The following RCL1 variants were observed in gnomAD, a reference collection of about 807,000 sequenced individuals.
RCL1 encodes the protein RNA terminal phosphate cyclase like 1.
RCL1 carries 24 observed loss-of-function variants against 42.4 expected under a neutral mutation model. The observed-to-expected ratio is 0.57, with a 90% CI of 0.41 to 0.80. The LOEUF is 0.80. Ranked by LOEUF, RCL1 falls within the 30% of genes least tolerant of loss-of-function variation. The pLI, the probability that RCL1 is intolerant of heterozygous loss-of-function variation, is 0.00. For missense variants in RCL1, 578 were observed against 467.9 expected (o/e 1.24, Z -2.17); for synonymous variants, 228 against 177.3 (o/e 1.29, Z -2.27).
intron 7 of RCL1, among the ~76,000 whole-genome samples, chr9:4,848,124 C>G (rs1817584085): frequency 6.6e-6 from 1 of 152,190 alleles, no homozygotes; most frequent in African/African-American, 2.4e-5. Context: ...TAATTTTAGG[C>G]TGTCTTATGA....
intron 8 of RCL1, among the ~76,000 whole-genome samples, chr9:4,858,821 G>A (rs1186290796): frequency 1.3e-5 from 2 of 152,162 alleles, no homozygotes; most frequent in African/African-American, 2.4e-5. Flanking sequence ...CGAGGTTTTT[G>A]TAATACTTCA....
intron 1 of RCL1, among the ~76,000 whole-genome samples, chr9:4,796,348 C>T (rs1842913738): frequency 6.6e-6 from 1 of 152,176 alleles, no homozygotes. Flanking sequence ...TTTTCTGTTT[C>T]TGAATTAGTT....
chr9:4,815,449 TTTTC>T (rs1190355072), intron 1 of RCL1, among the ~76,000 whole-genome samples: 7 of 30,518 alleles, frequency 2.3e-4, no homozygotes, highest in Non-Finnish European at 5.9e-4. Flanking sequence ...AGTATTTTTC[TTTTC>T]TTTTTTTTTT....
chr9:4,823,821 C>T (rs1816669837), intron 2 of RCL1, among the ~76,000 whole-genome samples: 1 of 151,798 alleles, frequency 6.6e-6, no homozygotes, highest in Non-Finnish European at 1.5e-5. Flanking sequence ...TTTGGGGGGA[C>T]TTATATGAGG....
chr9:4,826,933 T>C lies in RCL1; in HGVS notation c.284T>C (p.Ile95Thr), dbSNP rs1346097866. 3 of 1,614,172 alleles carry C rather than the reference T, an allele frequency of 1.9e-6. No individual in the cohort carries two copies. Among genetic ancestry groups the C allele is most frequent in the South Asian group, 1.1e-5 (1 of 91,080 alleles). ...VEHDCSVLRG[I>T]GYYLESLLCL... The stretch of plus-strand genomic sequence containing the variant: ...CATGACTGTAGCGTCCTTCGTGGCA[T>C]TGGGTATTACCTGGAGAGTCTTCTT... The change falls in exon 3 of 9, where the codon ATT becomes ACT. Residue 95 changes from isoleucine to threonine, a missense_variant. Coordinates refer to ENST00000381750, the MANE Select transcript of RCL1 (RefSeq NM_005772.5).
At chr9:4,804,198 G>C (rs1328692209) in intron 1 of RCL1, 1 of 152,882 alleles carries the variant, frequency 6.5e-6, no homozygotes, top group Admixed American at 6.5e-5. Flanking sequence ...CAGCAGCACA[G>C]GGTGACAGTC....
intron 1 of RCL1, among the ~76,000 whole-genome samples, chr9:4,801,575 A>G (rs1041352481): frequency 6.6e-6 from 1 of 152,104 alleles, no homozygotes; most frequent in South Asian, 2.1e-4. Context: ...TTGTCTTCTT[A>G]TTATCTTAAT....
chr9:4,833,048 C>T (rs1245959388), intron 3 of RCL1, 106 bp from the exon 4 acceptor site: 1 of 747,574 alleles, frequency 1.3e-6, no homozygotes, highest in Admixed American at 1.9e-5. Flanking sequence ...TTTCTGTTTA[C>T]CACACTGCAT....
At chr9:4,837,812 G>A (rs1038614842) in intron 5 of RCL1, among the ~76,000 whole-genome samples, 2 of 152,146 alleles carry the variant, frequency 1.3e-5, no homozygotes, top group Middle Eastern at 3.4e-3. Context: ...GCCAGGAAGA[G>A]ACTTGTGAGG....
intron 8 of RCL1, among the ~76,000 whole-genome samples, chr9:4,852,537 C>T (rs550593208): frequency 2.6e-5 from 4 of 152,164 alleles, no homozygotes; most frequent in African/African-American, 7.2e-5. Flanking sequence ...CTCTACCACG[C>T]GCTACCAGGA....
chr9:4,801,619 G>T (rs1203255370), intron 1 of RCL1, among the ~76,000 whole-genome samples: 2 of 151,810 alleles, frequency 1.3e-5, no homozygotes, highest in East Asian at 1.9e-4. Context: ...TAATTTTAAT[G>T]ATGTAGAATT....
At chr9:4,827,324 T>A in intron 3 of RCL1, 1 of 1,171,372 alleles carries the variant, frequency 8.5e-7, no homozygotes, top group Non-Finnish European at 1.2e-6. Flanking sequence ...ACTATAGTTC[T>A]GCTGGCTGTA....
At chr9:4,827,162 G>T in intron 3 of RCL1, 129 bp downstream of exon 3, 1 of 1,552,522 alleles carries the variant, frequency 6.4e-7, no homozygotes, top group Non-Finnish European at 8.7e-7. Context: ...TATTTACTTT[G>T]AGATTTAGAG....
chr9:4,822,911 T>C (rs941472970), intron 1 of RCL1, among the ~76,000 whole-genome samples: 1 of 152,166 alleles, frequency 6.6e-6, no homozygotes, highest in Non-Finnish European at 1.5e-5. Flanking sequence ...CCTTTTTTCT[T>C]CCAGTATTTT....
chr9:4,835,212 T>C (rs1817081676), intron 5 of RCL1, among the ~76,000 whole-genome samples: 1 of 152,138 alleles, frequency 6.6e-6, no homozygotes, highest in Admixed American at 6.5e-5. Context: ...TCAGATACTA[T>C]GCAGAACGCA....
At chr9:4,854,497 G>A (rs1387618242) in intron 8 of RCL1, among the ~76,000 whole-genome samples, 1 of 152,178 alleles carries the variant, frequency 6.6e-6, no homozygotes, top group Non-Finnish European at 1.5e-5. Flanking sequence ...TAGTAACCAG[G>A]TGGCTTAGTG....
At chr9:4,854,272 A>C (rs1817857093) in intron 8 of RCL1, among the ~76,000 whole-genome samples, 1 of 152,138 alleles carries the variant, frequency 6.6e-6, no homozygotes. Context: ...TGAATGTAGT[A>C]ATTTCATTTG....
intron 8 of RCL1, among the ~76,000 whole-genome samples, chr9:4,857,072 C>A (rs1817986146): frequency 6.6e-6 from 1 of 152,164 alleles, no homozygotes; most frequent in Admixed American, 6.5e-5. Flanking sequence ...GTATTGATTT[C>A]TTTATTTTAA....
intron 3 of RCL1, among the ~76,000 whole-genome samples, chr9:4,827,858 C>T (rs963450844): frequency 5.9e-5 from 9 of 151,818 alleles, no homozygotes; most frequent in African/African-American, 1.5e-4. Flanking sequence ...GGATTCCCTG[C>T]TTTTGGATGC....
Sources: gnomAD v4.1 joint callset for allele counts (sites outside exome capture counted in the v4.1 genomes callset) on GRCh38, gnomAD v4.1.1 for gene constraint, MANE v1.5 for transcripts, NCBI Gene and HGNC (gene_info 2026-07-23, HGNC 2026-07-21) for gene names.